SPATA6: variants seen among roughly 807,000 people sequenced by gnomAD.
SPATA6 encodes the protein spermatogenesis associated 6.
SPATA6 carries 56 observed loss-of-function variants against 65.3 expected under a neutral mutation model. That is an observed-to-expected ratio of 0.86 (90% confidence interval 0.69 to 1.07). The LOEUF (loss-of-function observed/expected upper bound fraction) is 1.07, where lower values mean the gene tolerates loss of function less well. SPATA6 is among the 50% of genes least tolerant of loss of function. The pLI, the probability that SPATA6 is intolerant of heterozygous loss-of-function variation, is 0.00. For missense variants in SPATA6, 590 were observed against 594.8 expected, an observed-to-expected ratio of 0.99 and a Z score of 0.08; for synonymous variants, 199 against 213.2, an observed-to-expected ratio of 0.93 and a Z score of 0.58.
intron 11 of SPATA6, among the ~76,000 whole-genome samples, chr1:48,312,743 G>A (rs745684362): frequency 4.6e-5 from 7 of 151,982 alleles, no homozygotes; most frequent in African/African-American, 1.4e-4. Context: ...ATGATCAAAC[G>A]ACTCCAAGCT....
chr1:48,401,293 A>G (rs1651137695), intron 6 of SPATA6, among the ~76,000 whole-genome samples: 1 of 152,032 alleles, frequency 6.6e-6, no homozygotes, highest in African/African-American at 2.4e-5. Context: ...TCTTATATAT[A>G]TACCTCTGAT....
intron 11 of SPATA6, among the ~76,000 whole-genome samples, chr1:48,318,081 G>C (rs1645491890): frequency 6.6e-6 from 1 of 152,168 alleles, no homozygotes; most frequent in South Asian, 2.1e-4. Context: ...TGCAGGGAAA[G>C]CATTTGACAA....
intron 1 of SPATA6, among the ~76,000 whole-genome samples, chr1:48,467,462 G>A (rs749443525): frequency 5.9e-5 from 9 of 151,976 alleles, no homozygotes; most frequent in Non-Finnish European, 8.8e-5. Context: ...TTCTGTAACC[G>A]AGCCAAGTAT....
intron 11 of SPATA6, among the ~76,000 whole-genome samples, chr1:48,334,396 C>A (rs1451543041): frequency 6.6e-6 from 1 of 152,082 alleles, no homozygotes; most frequent in African/African-American, 2.4e-5. Context: ...CAAATACTAG[C>A]AAACTGAATC....
intron 3 of SPATA6, among the ~76,000 whole-genome samples, chr1:48,418,276 G>A (rs774660894): frequency 6.6e-6 from 1 of 151,934 alleles, no homozygotes; most frequent in Non-Finnish European, 1.5e-5. Context: ...AACAAAAAAG[G>A]GAAAATGCTG....
chr1:48,318,540 C>A (rs1462171142), intron 11 of SPATA6, among the ~76,000 whole-genome samples: 2 of 151,932 alleles, frequency 1.3e-5, no homozygotes, highest in African/African-American at 4.8e-5. Context: ...TCAAAAATAA[C>A]AAAATACTTA....
chr1:48,377,499 C>G (rs11205481), intron 9 of SPATA6, among the ~76,000 whole-genome samples: 21,788 of 152,086 alleles, frequency 0.14, 1,765 homozygotes, highest in African/African-American at 0.21. Flanking sequence ...TCAACATCCT[C>G]AAAATACCTT....
chr1:48,384,388 GGGAGAGGGAGAGGGAGAGGGAGAGGGAGA>G (rs1649216204), intron 9 of SPATA6, among the ~76,000 whole-genome samples: 1 of 48,384 alleles, frequency 2.1e-5, no homozygotes, highest in Admixed American at 2.1e-4. Context: ...GAGAGGGAGA[GGGAGAGGGAGAGGGAGAGGGAGAGGGAGA>G]GGGAGAGGGG....
chr1:48,459,963 A>G (rs1214417615), intron 1 of SPATA6, among the ~76,000 whole-genome samples: 1 of 152,152 alleles, frequency 6.6e-6, no homozygotes, highest in Non-Finnish European at 1.5e-5. Context: ...AATTTGTGGG[A>G]TGTAATTAAG....
intron 1 of SPATA6, among the ~76,000 whole-genome samples, chr1:48,459,574 T>C (rs1318110024): frequency 1.3e-5 from 2 of 152,152 alleles, no homozygotes; most frequent in Non-Finnish European, 2.9e-5. Flanking sequence ...ATTAAAGATA[T>C]AGAAGATATA....
At chr1:48,466,777 G>C (rs1657841355) in intron 1 of SPATA6, among the ~76,000 whole-genome samples, 1 of 151,918 alleles carries the variant, frequency 6.6e-6, no homozygotes, top group Non-Finnish European at 1.5e-5. Context: ...CAGTAACCTG[G>C]ATAAGGATCA....
At chr1:48,348,053 T>C (rs1256762226) in intron 11 of SPATA6, among the ~76,000 whole-genome samples, 5 of 152,014 alleles carry the variant, frequency 3.3e-5, no homozygotes, top group Non-Finnish European at 5.9e-5. Context: ...GGCCCTGTTA[T>C]TATTAAATAC....
At chr1:48,436,777 A>G (rs1654979674) in intron 3 of SPATA6, 4 of 1,614,204 alleles carry the variant, frequency 2.5e-6, no homozygotes, top group Non-Finnish European at 3.4e-6. Flanking sequence ...TTTCCAGGAC[A>G]TGCATAGAAC....
chr1:48,407,125 G>A (rs138101846), intron 5 of SPATA6, among the ~76,000 whole-genome samples: 32 of 152,270 alleles, frequency 2.1e-4, no homozygotes, highest in African/African-American at 7.5e-4. Flanking sequence ...CTTTCTAGGA[G>A]TCTCACCTGC....
the SPATA6 span, among the ~76,000 whole-genome samples, chr1:48,279,714 C>G: frequency 6.6e-6 from 1 of 152,180 alleles, no homozygotes; most frequent in African/African-American, 2.4e-5. Flanking sequence ...GAGACTTAGA[C>G]TCCCACACAA....
Position 48,297,126 on chromosome 1 carries a change from GT to G in SPATA6, c.*1586del, listed in dbSNP as rs1644827706. ...AATCCTACATATGACTCTCTAAGAG[GT>G]GTGTGTGTGTGTGTGTGTGTGTGTG... On this transcript the variant is annotated 3_prime_UTR_variant, in exon 13 of 13. Transcript: ENST00000371847. 2 of 10,434 alleles carry G rather than the reference GT, an allele frequency of 1.9e-4. No individual in the cohort carries two copies. Among genetic ancestry groups the G allele is most frequent in the South Asian group, 2.2e-3 (1 of 462 alleles). 0.6% of individuals were successfully genotyped at this position (10,434 alleles called of 1,614,324 possible). A position where few individuals can be genotyped will look rare whatever the true frequency, so the allele number is the denominator to read the frequency against.
At chr1:48,328,552 T>C (rs6699715) in intron 11 of SPATA6, among the ~76,000 whole-genome samples, 148,808 of 152,236 alleles carry the variant, frequency 0.98, 72,818 homozygotes, top group East Asian at 1. Flanking sequence ...ATGTGCAGAA[T>C]GGGCATCTAC....
intron 11 of SPATA6, among the ~76,000 whole-genome samples, chr1:48,329,968 T>G (rs922467533): frequency 6.6e-6 from 1 of 152,066 alleles, no homozygotes; most frequent in Non-Finnish European, 1.5e-5. Context: ...AACTTCTGAG[T>G]CCAAGAGGAC....
chr1:48,352,903 CAA>C (rs35929341), intron 11 of SPATA6, among the ~76,000 whole-genome samples: 28,941 of 133,304 alleles, frequency 0.22, 3,057 homozygotes, highest in South Asian at 0.31. Flanking sequence ...CTTTTAAATA[CAA>C]AAAAAAAAAA....
Sources: gnomAD v4.1 joint callset for allele counts (sites outside exome capture counted in the v4.1 genomes callset) on GRCh38, gnomAD v4.1.1 for gene constraint, MANE v1.5 for transcripts, NCBI Gene and HGNC (gene_info 2026-07-23, HGNC 2026-07-21) for gene names.